The following ANKRD28 variants were observed in gnomAD, a reference collection of about 807,000 sequenced individuals.
ANKRD28 encodes the protein ankyrin repeat domain 28, also known as serine/threonine-protein phosphatase 6 regulatory ankyrin repeat subunit A.
In ANKRD28, 44 loss-of-function variants were observed where a neutral mutation model predicts 126.5. The observed-to-expected ratio is 0.35, with a 90% CI of 0.27 to 0.45. The LOEUF (loss-of-function observed/expected upper bound fraction) is 0.45, where lower values mean the gene tolerates loss of function less well. ANKRD28 is among the 20% of genes least tolerant of loss of function. The pLI is 1.00. For synonymous variants in ANKRD28, 442 were observed against 468.5 expected, an observed-to-expected ratio of 0.94 and a Z score of 0.73; for missense variants, 1,110 against 1,316.6, an observed-to-expected ratio of 0.84 and a Z score of 2.43.
At chr3:15,746,660 T>C (rs2057496957) in intron 4 of ANKRD28, among the ~76,000 whole-genome samples, 1 of 152,150 alleles carries the variant, frequency 6.6e-6, no homozygotes, top group South Asian at 2.1e-4. Flanking sequence ...TCAGGGATAT[T>C]GGTCTGTGGT....
chr3:15,677,988 TAA>T (rs533610112), intron 24 of ANKRD28, among the ~76,000 whole-genome samples: 292 of 152,258 alleles, frequency 1.9e-3, no homozygotes, highest in African/African-American at 6.8e-3. Flanking sequence ...CCAGTGTTCT[TAA>T]CCACTATGTT....
chr3:15,670,883 G>A (rs765726443), intron 27 of ANKRD28, among the ~76,000 whole-genome samples: 4 of 152,102 alleles, frequency 2.6e-5, no homozygotes, highest in Non-Finnish European at 4.4e-5. Context: ...ACCACATATC[G>A]TGAATATTCT....
intron 6 of ANKRD28, chr3:15,732,728 T>C (rs889843164): frequency 6.6e-6 from 1 of 152,244 alleles, no homozygotes; most frequent in African/African-American, 2.4e-5. Context: ...GGATTCTCGA[T>C]GAAGCCAGGA....
chr3:15,825,614 A>C (rs115936095), intron 1 of ANKRD28, among the ~76,000 whole-genome samples: 2,923 of 152,206 alleles, frequency 0.019, 97 homozygotes, highest in African/African-American at 0.066. Context: ...AGGGGGAAAA[A>C]CCCATAAAAG....
chr3:15,706,463 C>T lies in ANKRD28; in HGVS notation c.1547+1461G>A, dbSNP rs563499272. Reference sequence around the variant, plus strand: ...CATAGTATTCCATGATGTATATGTGCCACATTTTCTTAATCCAGTCTATCA... The same window carrying T: ...CATAGTATTCCATGATGTATATGTGTCACATTTTCTTAATCCAGTCTATCA... On this transcript the variant is annotated intron_variant, in intron 14 of 27. Transcript: ENST00000683139. Among the ~76,000 whole-genome samples the T allele has an allele frequency of 1.3e-3, 191 of 152,268 alleles. 1 individual carries two copies. The highest frequency in any genetic ancestry group is 4.3e-3 in the African/African-American group (180 of 41,534).
chr3:15,788,527 T>C (rs1346436195), intron 2 of ANKRD28, among the ~76,000 whole-genome samples: 1 of 152,142 alleles, frequency 6.6e-6, no homozygotes, highest in African/African-American at 2.4e-5. Context: ...TTAAATTGAG[T>C]AATACAAAAT....
chr3:15,831,558 A>C (rs538752988), intron 1 of ANKRD28, among the ~76,000 whole-genome samples: 2 of 152,306 alleles, frequency 1.3e-5, no homozygotes, highest in African/African-American at 4.8e-5. Context: ...GACACTGTCA[A>C]ATTCCCCTGA....
chr3:15,847,663 T>A (rs2061556675), intron 1 of ANKRD28, among the ~76,000 whole-genome samples: 1 of 152,208 alleles, frequency 6.6e-6, no homozygotes, highest in African/African-American at 2.4e-5. Flanking sequence ...GCCCCTACTA[T>A]CCAGTTATCA....
intron 4 of ANKRD28, among the ~76,000 whole-genome samples, chr3:15,740,982 C>T (rs1298076368): frequency 3.3e-5 from 5 of 152,070 alleles, no homozygotes; most frequent in African/African-American, 9.7e-5. Context: ...AGGTGGATCA[C>T]GAGGTCAGGA....
At chr3:15,789,307 A>G (rs2059919090) in intron 2 of ANKRD28, among the ~76,000 whole-genome samples, 1 of 152,120 alleles carries the variant, frequency 6.6e-6, no homozygotes, top group African/African-American at 2.4e-5. Flanking sequence ...GTGATGAACC[A>G]AGACTGATCT....
chr3:15,826,198 T>G (rs1358071668), intron 1 of ANKRD28, among the ~76,000 whole-genome samples: 1 of 152,130 alleles, frequency 6.6e-6, no homozygotes, highest in East Asian at 1.9e-4. Flanking sequence ...GTTAAGAAAA[T>G]AGATAAACAG....
intron 1 of ANKRD28, among the ~76,000 whole-genome samples, chr3:15,847,065 T>C (rs1005176078): frequency 2.6e-5 from 4 of 152,122 alleles, no homozygotes; most frequent in African/African-American, 9.7e-5. Context: ...TTCTGGGGCA[T>C]TACCCCCAGA....
intron 4 of ANKRD28, among the ~76,000 whole-genome samples, chr3:15,739,294 A>G (rs772700534): frequency 6.6e-6 from 1 of 152,196 alleles, no homozygotes; most frequent in Non-Finnish European, 1.5e-5. Context: ...ATGTTCAGAG[A>G]CTGCAGTAAA....
rs187783675 is a variant in ANKRD28 at position 15,756,343 on chromosome 3, C to T, written c.281-4523G>A. The T allele has an allele frequency of 5.2e-3, 1,177 of 226,386 alleles. 3 individuals carry two copies. The highest frequency in any genetic ancestry group is 7.0e-3 in the Non-Finnish European group (947 of 136,078). The allele number at this position is 226,386 out of a possible 1,614,324, so 14.0% of individuals were successfully genotyped here. On this transcript the variant is annotated intron_variant, in intron 3 of 27. Transcript: ENST00000683139. ...AGTTTCCTCTCACCCAATCTTTACA[C>T]GTAATATTTCACCCATATAAAAGTG...
At chr3:15,731,588 G>C (rs1053279000) in intron 6 of ANKRD28, among the ~76,000 whole-genome samples, 1 of 152,144 alleles carries the variant, frequency 6.6e-6, no homozygotes, top group African/African-American at 2.4e-5. Flanking sequence ...ACATATCTTT[G>C]GTGTAAACCA....
Position 15,744,251 on chromosome 3 carries a change from T to G in ANKRD28, c.352-7018A>C, listed in dbSNP as rs113763163. Among the ~76,000 whole-genome samples, 320 of 152,342 alleles carry G rather than the reference T, an allele frequency of 2.1e-3. 2 individuals carry two copies. Among genetic ancestry groups the G allele is most frequent in the Middle Eastern group, 0.01 (3 of 294 alleles). On this transcript the variant is annotated intron_variant, in intron 4 of 27. Coordinates refer to ENST00000683139, the MANE Select transcript of ANKRD28 (RefSeq NM_001349278.2). ...ATCTTTTTGGAATGGCCACATTTTA[T>G]AGCTGTTTCTCATAATCCTGCAAAA...
At chr3:15,744,031 C>T (rs1170143162) in intron 4 of ANKRD28, among the ~76,000 whole-genome samples, 6 of 152,216 alleles carry the variant, frequency 3.9e-5, no homozygotes, top group African/African-American at 1.4e-4. Context: ...AAAAACCCAT[C>T]TTTCTGTGGC....
chr3:15,699,430 G>C (rs890108884), intron 14 of ANKRD28, among the ~76,000 whole-genome samples: 3 of 152,114 alleles, frequency 2.0e-5, no homozygotes, highest in Non-Finnish European at 4.4e-5. Context: ...CACAGCAAAA[G>C]AAACTATCAT....
At chr3:15,737,308 G>A in intron 4 of ANKRD28, 75 bp from the exon 5 acceptor site, 1 of 1,259,504 alleles carries the variant, frequency 7.9e-7, no homozygotes. Context: ...TAGTGTGCGT[G>A]TGTGTGTATA....
Sources: gnomAD v4.1 joint callset for allele counts (sites outside exome capture counted in the v4.1 genomes callset) on GRCh38, gnomAD v4.1.1 for gene constraint, MANE v1.5 for transcripts, NCBI Gene and HGNC (gene_info 2026-07-23, HGNC 2026-07-21) for gene names.